Variants in ALG6 observed in about 807,000 individuals in gnomAD.
ALG6 encodes the protein ALG6 alpha-1,3-glucosyltransferase, also known as dolichyl pyrophosphate Man9GlcNAc2 alpha-1,3-glucosyltransferase.
Under a neutral mutation model 66.6 loss-of-function variants are expected in ALG6, and 46 were observed. The ratio of observed to expected loss-of-function variants is 0.69; its 90% CI spans 0.55 to 0.88. The LOEUF (loss-of-function observed/expected upper bound fraction) is 0.88. Among genes scored for constraint, ALG6 ranks in the 40% least tolerant of loss-of-function variants. The pLI is 0.00. For synonymous variants in ALG6, 185 were observed against 203.7 expected (o/e 0.91, Z 0.78); for missense variants, 505 against 586.8 (o/e 0.86, Z 1.44).
intron 14 of ALG6, among the ~76,000 whole-genome samples, chr1:63,435,049 A>G (rs1399523604): frequency 1.3e-5 from 2 of 152,194 alleles, no homozygotes; most frequent in Non-Finnish European, 2.9e-5. Flanking sequence ...GATTTACTAC[A>G]CTGGAGGTCA....
At chr1:63,386,044 G>C (rs1648493561) in intron 2 of ALG6, among the ~76,000 whole-genome samples, 1 of 152,130 alleles carries the variant, frequency 6.6e-6, no homozygotes, top group African/African-American at 2.4e-5. Flanking sequence ...AATTGTATCA[G>C]ATACTTTTTC....
chr1:63,422,704 C>G (rs1227669840), intron 12 of ALG6, among the ~76,000 whole-genome samples: 7 of 151,564 alleles, frequency 4.6e-5, no homozygotes, highest in Admixed American at 4.6e-4. Flanking sequence ...GCCTGTAATC[C>G]CAGCACTTTG....
chr1:63,385,235 T>G (rs1216178925), intron 2 of ALG6, among the ~76,000 whole-genome samples: 1 of 130,910 alleles, frequency 7.6e-6, no homozygotes, highest in African/African-American at 3.0e-5. Context: ...AGTCTCGCTC[T>G]GTCACCCAGG....
intron 3 of ALG6, among the ~76,000 whole-genome samples, chr1:63,400,334 T>C (rs1484480135): frequency 0.019 from 364 of 18,950 alleles, 121 homozygotes; most frequent in African/African-American, 0.11. Flanking sequence ...TATATATATA[T>C]ACGTATATAT....
In ALG6 at chr1:63,412,030, G is replaced by A; in HGVS notation, c.785G>A (p.Arg262Lys). The change falls in exon 9 of 15, where the codon AGA (arginine) becomes AAA (lysine). Residue 262 changes from arginine to lysine, a missense_variant. Arg to Lys is a conservative substitution (Grantham distance 26). Coordinates refer to ENST00000263440, the MANE Select transcript of ALG6 (RefSeq NM_013339.4). ...EREQTLQVLRRLFPVDRGLFE... is the reference protein window; with the variant it reads ...EREQTLQVLRKLFPVDRGLFE... The stretch of plus-strand genomic sequence containing the variant: ...GAACAAACCCTGCAGGTTCTAAGAA[G>A]ACTCTTCCCGGTTGATCGTGGATTA... The A allele has an allele frequency of 6.2e-7, 1 of 1,614,090 alleles. No individual in the cohort carries two copies. Among genetic ancestry groups the A allele is most frequent in the East Asian group, 2.2e-5 (1 of 44,878 alleles).
chr1:63,374,760 A>T (rs1431857854), intron 2 of ALG6, among the ~76,000 whole-genome samples: 1 of 152,230 alleles, frequency 6.6e-6, no homozygotes, highest in Admixed American at 6.5e-5. Flanking sequence ...ACATCAGATC[A>T]TTTAGCCCTA....
rs1557587656 is a variant in ALG6, at chr1:63,400,287, ATATATATACG to A, written c.168-1958_168-1949del. ...TATATACGTATATATATATACGTATATATATATACGTATATATATGTATATATATATACGT... is the reference window on the plus strand; with the variant it reads ...TATATACGTATATATATATACGTATATATATATATGTATATATATATACGT... On this transcript the variant is annotated intron_variant, in intron 3 of 14. Transcript: ENST00000263440. 4.2e-4 allele frequency among the ~76,000 whole-genome samples: 9 copies of A among 21,484 alleles called. 3 individuals are homozygous for A. Among genetic ancestry groups the A allele is most frequent in the Non-Finnish European group, 6.0e-4 (9 of 15,060 alleles). 14.1% of individuals were successfully genotyped at this position (21,484 alleles called of 152,430 possible).
intron 2 of ALG6, among the ~76,000 whole-genome samples, chr1:63,379,941 A>G (rs2100387844): frequency 6.6e-6 from 1 of 152,068 alleles, no homozygotes; most frequent in East Asian, 1.9e-4. Context: ...ACAGAGGGTT[A>G]ATAGACATGA....
intron 2 of ALG6, among the ~76,000 whole-genome samples, chr1:63,396,179 C>T (rs564183801): frequency 3.3e-5 from 5 of 152,204 alleles, no homozygotes; most frequent in African/African-American, 1.2e-4. Context: ...ATAATAGTGT[C>T]TATTTATTGA....
chr1:63,372,941 A>G (rs1570028943), intron 2 of ALG6, among the ~76,000 whole-genome samples: 1 of 151,850 alleles, frequency 6.6e-6, no homozygotes, highest in Admixed American at 6.6e-5. Flanking sequence ...TACAGGCATG[A>G]GCCACCGTGC....
intron 2 of ALG6, among the ~76,000 whole-genome samples, chr1:63,384,197 GATGATGTCTC>G (rs1326660982): frequency 6.6e-6 from 1 of 152,164 alleles, no homozygotes; most frequent in African/African-American, 2.4e-5. Context: ...ACCTGGGTGA[GATGATGTCTC>G]ATTGTAGTTT....
chr1:63,390,983 C>G (rs1648656025), intron 2 of ALG6, among the ~76,000 whole-genome samples: 1 of 152,164 alleles, frequency 6.6e-6, no homozygotes, highest in Admixed American at 6.5e-5. Context: ...GATTTTGATT[C>G]TTATGAAGGT....
chr1:63,436,317 A>G (rs1644678212), intron 14 of ALG6, among the ~76,000 whole-genome samples: 1 of 151,986 alleles, frequency 6.6e-6, no homozygotes, highest in Non-Finnish European at 1.5e-5. Context: ...TCAACTTATT[A>G]TTTTCTAGCT....
At position 63,424,774 on chromosome 1, in the gene ALG6, A is replaced by ATTTT. The variant is rs146137714; in HGVS notation, c.1059-3940_1059-3937dup. Among the ~76,000 whole-genome samples, 33 of 114,040 alleles carry ATTTT rather than the reference A, an allele frequency of 2.9e-4. 1 individual carries two copies. Among genetic ancestry groups the ATTTT allele is most frequent in the African/African-American group, 1.1e-3 (31 of 27,082 alleles). 74.8% of individuals were successfully genotyped at this position (114,040 alleles called of 152,430 possible). A position where few individuals can be genotyped will look rare whatever the true frequency, so the allele number is the denominator to read the frequency against. The stretch of plus-strand genomic sequence containing the variant: ...TATGTCTTTGATCCATTTTGAGTTA[A>ATTTT]TTTTTTTTTTTTTTTTTTTTTTGAG... On this transcript the variant is annotated intron_variant, in intron 12 of 14. Coordinates refer to ENST00000263440, the MANE Select transcript of ALG6 (RefSeq NM_013339.4).
At chr1:63,407,512 T>A (rs938918652) in intron 7 of ALG6, among the ~76,000 whole-genome samples, 5 of 151,992 alleles carry the variant, frequency 3.3e-5, no homozygotes, top group East Asian at 1.9e-4. Flanking sequence ...AGTTTAAAAA[T>A]TTTTTTTCTA....
chr1:63,425,236 G>A (rs184874161), intron 12 of ALG6, among the ~76,000 whole-genome samples: 9 of 152,326 alleles, frequency 5.9e-5, no homozygotes. Flanking sequence ...GGAATGATCA[G>A]CAGAGAAGGA....
In ALG6 at chr1:63,436,935, T is replaced by G. The variant is rs746399609; in HGVS notation, c.1439T>G (p.Leu480Trp). ...FSVLVCFVSC[L>W]NFLFFLVYFN... is the part of the protein sequence containing the mutation. ...GTATTGGTGTGTTTTGTATCTTGCT[T>G]GAACTTCCTGTTCTTCTTGGTATAC... is the stretch of plus-strand genomic sequence containing the variant. The change falls in exon 15 of 15, where the codon TTG (leucine) becomes TGG (tryptophan). Residue 480 changes from leucine (L) to tryptophan (W), a missense_variant. Transcript: ENST00000263440. 6.2e-7 allele frequency: 1 copy of G among 1,613,754 alleles called. No individual in the cohort carries two copies. Among genetic ancestry groups the G allele is most frequent in the Non-Finnish European group, 8.5e-7 (1 of 1,179,792 alleles).
intron 10 of ALG6, 108 bp from the exon 11 acceptor site, chr1:63,415,763 CTT>C (rs1206916118): frequency 6.2e-6 from 4 of 642,152 alleles, no homozygotes; most frequent in African/African-American, 3.8e-5. Flanking sequence ...TTGAAATAAA[CTT>C]AAGTTGATAA....
At chr1:63,377,734 ATTAT>A (rs1648179831) in intron 2 of ALG6, among the ~76,000 whole-genome samples, 1 of 151,882 alleles carries the variant, frequency 6.6e-6, no homozygotes, top group South Asian at 2.1e-4. Context: ...TTTATTATTT[ATTAT>A]TTATTTATTT....
Sources: gnomAD v4.1 joint callset for allele counts (sites outside exome capture counted in the v4.1 genomes callset) on GRCh38, gnomAD v4.1.1 for gene constraint, MANE v1.5 for transcripts, NCBI Gene and HGNC (gene_info 2026-07-23, HGNC 2026-07-21) for gene names.